Variants in GIN1 observed in about 807,000 individuals in gnomAD.
GIN1 encodes the protein gypsy retrotransposon integrase 1.
In GIN1, 41 loss-of-function variants were observed where a neutral mutation model predicts 51.4. The ratio of observed to expected loss-of-function variants is 0.80; its 90% CI spans 0.62 to 1.04. The LOEUF (loss-of-function observed/expected upper bound fraction) is 1.04. GIN1 is among the 50% of genes least tolerant of loss of function. The pLI is 0.00. For synonymous variants in GIN1, 222 were observed against 206.5 expected (o/e 1.07, Z -0.64); for missense variants, 610 against 612.4 (o/e 1.00, Z 0.04).
At chr5:103,110,611 C>A (rs1787854311) in intron 1 of GIN1, among the ~76,000 whole-genome samples, 2 of 152,100 alleles carry the variant, frequency 1.3e-5, no homozygotes, top group African/African-American at 4.8e-5. Flanking sequence ...TGAAGACAGG[C>A]AGCAACTGGA....
At chr5:103,113,794 T>G (rs968120614) in intron 1 of GIN1, among the ~76,000 whole-genome samples, 2 of 152,196 alleles carry the variant, frequency 1.3e-5, no homozygotes, top group Non-Finnish European at 2.9e-5. Context: ...AGTGCTGGGC[T>G]TACAGGTGTG....
intron 3 of GIN1, 101 bp downstream of exon 3, chr5:103,106,615 T>G (rs112821546): frequency 1.8e-5 from 12 of 670,924 alleles, no homozygotes; most frequent in African/African-American, 1.2e-4. Context: ...CCAAAAATAC[T>G]TAATGAGAGG....
intron 7 of GIN1, among the ~76,000 whole-genome samples, chr5:103,090,816 T>G (rs1228492182): frequency 6.6e-6 from 1 of 152,098 alleles, no homozygotes; most frequent in South Asian, 2.1e-4. Context: ...ACCTCCTAGT[T>G]ACACTGGTTA....
chr5:103,092,959 A>AAG (rs1442242395), intron 7 of GIN1, among the ~76,000 whole-genome samples: 2 of 141,814 alleles, frequency 1.4e-5, no homozygotes, highest in African/African-American at 5.0e-5. Context: ...AAAAAAAAAA[A>AAG]AAAAAAAAAA....
intron 7 of GIN1, among the ~76,000 whole-genome samples, chr5:103,088,626 C>T (rs543728122): frequency 6.6e-6 from 1 of 152,100 alleles, no homozygotes; most frequent in Non-Finnish European, 1.5e-5. Context: ...AACCCCTTCT[C>T]TACAAAAAAT....
rs1353959868 is a variant in GIN1, at chr5:103,104,760, C to T, written c.420G>A (p.Trp140Ter). ...CCATCAGATCAACAGTAACTAAACTCCATGGATTTTCCACCTTGAGAAGGT... is the reference window on the plus strand; with the variant it reads ...CCATCAGATCAACAGTAACTAAACTTCATGGATTTTCCACCTTGAGAAGGT... ...KQHLLKVENP[W>*]SLVTVDLMGP... Residue 140 changes from tryptophan (W) to a stop codon, truncating the protein, a stop_gained, in exon 4 of 8, where the codon TGG (tryptophan) becomes TGA (stop). Transcript: ENST00000399004. LOFTEE classifies it high-confidence loss of function. 6 of 1,611,508 alleles carry T rather than the reference C, an allele frequency of 3.7e-6. No homozygotes were observed. Among genetic ancestry groups the T allele is most frequent in the Non-Finnish European group, 4.2e-6 (5 of 1,177,838 alleles).
At chr5:103,113,872 T>A in intron 1 of GIN1, among the ~76,000 whole-genome samples, 1 of 152,166 alleles carries the variant, frequency 6.6e-6, no homozygotes, top group East Asian at 1.9e-4. Flanking sequence ...GATTTCAACA[T>A]ATGAATTTTG....
intron 1 of GIN1, among the ~76,000 whole-genome samples, chr5:103,112,244 A>AT (rs1787909061): frequency 6.6e-6 from 1 of 152,090 alleles, no homozygotes; most frequent in Admixed American, 6.6e-5. Context: ...TTTCCTACAG[A>AT]TTTTCATATT....
chr5:103,103,426 C>G (rs1554195962), intron 4 of GIN1, among the ~76,000 whole-genome samples: 2 of 152,146 alleles, frequency 1.3e-5, no homozygotes, highest in Non-Finnish European at 2.9e-5. Flanking sequence ...TGGGAATAAT[C>G]CTGGGGTGCC....
rs1285148482 is a variant in GIN1 at position 103,087,897 on chromosome 5, A to C, written c.*1T>G. On this transcript the variant is annotated 3_prime_UTR_variant, in exon 8 of 8. Transcript: ENST00000399004. ...ACAATTTAAATAAATTTTGGTATTT[A>C]CTAACTTAAGTATTCAAGAACCTGG... is the stretch of plus-strand genomic sequence containing the variant. 1 of 1,368,234 alleles carries C rather than the reference A, an allele frequency of 7.3e-7. No homozygotes were observed. The highest frequency in any genetic ancestry group is 1.0e-6 in the Non-Finnish European group (1 of 1,001,960). 84.8% of individuals were successfully genotyped at this position (1,368,234 alleles called of 1,614,324 possible). A position where few individuals can be genotyped will look rare whatever the true frequency, so the allele number is the denominator to read the frequency against.
intron 1 of GIN1, among the ~76,000 whole-genome samples, chr5:103,119,267 C>T (rs1788255180): frequency 6.6e-6 from 1 of 152,204 alleles, no homozygotes; most frequent in African/African-American, 2.4e-5. Context: ...CTGCAATTTT[C>T]AATCAACATG....
At chr5:103,104,205 A>G (rs1554196030) in intron 4 of GIN1, among the ~76,000 whole-genome samples, 1 of 152,098 alleles carries the variant, frequency 6.6e-6, no homozygotes, top group African/African-American at 2.4e-5. Context: ...CACCCACCTC[A>G]GCCTCCTAAA....
chr5:103,088,198 G>A (rs1446511477), intron 7 of GIN1, 26 bp from the exon 8 acceptor site: 1 of 1,336,536 alleles, frequency 7.5e-7, no homozygotes, highest in Non-Finnish European at 1.0e-6. Flanking sequence ...TCATACATTT[G>A]ACTTTTAGAA....
intron 2 of GIN1, among the ~76,000 whole-genome samples, chr5:103,107,430 A>C (rs797041274): frequency 6.6e-6 from 1 of 152,108 alleles, no homozygotes; most frequent in South Asian, 2.1e-4. Context: ...GTAATCCTCA[A>C]GACAATTCTC....
In GIN1 at chr5:103,104,840, C is replaced by T; in HGVS notation, c.340G>A (p.Ala114Thr). The change falls in exon 4 of 8, where the codon GCT becomes ACT. Residue 114 changes from alanine to threonine, a missense_variant. Ala to Thr is a moderately conservative substitution (Grantham distance 58, BLOSUM62 0). Coordinates refer to ENST00000399004, the MANE Select transcript of GIN1 (RefSeq NM_017676.2). ...TTTGCCACTTGGCAATGCTGACAAGCATATACCTACAACAGGCACACAATA... is the reference window on the plus strand; with the variant it reads ...TTTGCCACTTGGCAATGCTGACAAGTATATACCTACAACAGGCACACAATA... ...VTNDVKQWVYACQHCQVAKNT... is the reference protein window; with the variant it reads ...VTNDVKQWVYTCQHCQVAKNT... The T allele has an allele frequency of 1.3e-6, 2 of 1,577,146 alleles. No individual in the cohort carries two copies. The highest frequency in any genetic ancestry group is 1.1e-5 in the South Asian group (1 of 88,126).
chr5:103,101,237 G>A (rs1201624723), intron 4 of GIN1, among the ~76,000 whole-genome samples: 2 of 152,192 alleles, frequency 1.3e-5, no homozygotes, highest in African/African-American at 4.8e-5. Flanking sequence ...GCTATGAAGT[G>A]ACTAATGATG....
intron 1 of GIN1, 24 bp from the exon 2 acceptor site, chr5:103,108,738 ATAACT>A (rs1562334424): frequency 2.0e-6 from 3 of 1,508,760 alleles, no homozygotes; most frequent in East Asian, 4.6e-5. Flanking sequence ...ATTTAAAAAG[ATAACT>A]TAAATTTTAA....
chr5:103,110,534 G>A (rs993883630), intron 1 of GIN1, among the ~76,000 whole-genome samples: 5 of 152,062 alleles, frequency 3.3e-5, no homozygotes, highest in Non-Finnish European at 5.9e-5. Context: ...ATAAAACCAC[G>A]ATGACTTAGA....
intron 7 of GIN1, among the ~76,000 whole-genome samples, chr5:103,092,227 C>T (rs1554194624): frequency 1.3e-5 from 2 of 151,964 alleles, no homozygotes; most frequent in South Asian, 4.1e-4. Context: ...ATGCTGGTCT[C>T]GAACTCCTGA....
Sources: allele counts gnomAD v4.1 joint callset (sites outside exome capture counted in the v4.1 genomes callset), GRCh38; gene constraint gnomAD v4.1.1; transcripts MANE v1.5; gene names NCBI Gene and HGNC (gene_info 2026-07-23, HGNC 2026-07-21).